The following TTC39B variants were observed in gnomAD, a reference collection of about 807,000 sequenced individuals.
TTC39B encodes the protein tetratricopeptide repeat protein 39B.
A neutral mutation model predicts 96.6 loss-of-function variants in TTC39B; 92 were observed. The ratio of observed to expected loss-of-function variants is 0.95; its 90% confidence interval spans 0.80 to 1.13. TTC39B has a LOEUF of 1.13. Ranked by LOEUF, TTC39B falls within the 50% of genes most tolerant of loss-of-function variation. The pLI is 0.00. For missense variants in TTC39B, 955 were observed against 809.3 expected, an observed-to-expected ratio of 1.18 and a Z score of -2.18; for synonymous variants, 367 against 299.4, an observed-to-expected ratio of 1.23 and a Z score of -2.33.
At chr9:15,267,826 C>T in intron 2 of TTC39B, 88 bp downstream of exon 2, 1 of 1,283,100 alleles carries the variant, frequency 7.8e-7, no homozygotes, top group Non-Finnish European at 1.1e-6. Context: ...CCGTACTCTC[C>T]AAAAAATGAG....
In TTC39B at chr9:15,167,007, TATATATATATATA is replaced by T. The variant is rs1564299789; in HGVS notation, c.*4999_*5011del. The stretch of plus-strand genomic sequence containing the variant: ...TTATATATATATATATATATATATA[TATATATATATATA>T]TATATATATTTTTTTTTTTTTTTTT... On this transcript the variant is annotated 3_prime_UTR_variant, in exon 20 of 20. Transcript: ENST00000512701. 3.1e-3 allele frequency: 23 copies of T among 7,378 alleles called. 1 individual carries two copies. Among genetic ancestry groups the T allele is most frequent in the East Asian group, 6.9e-3 (1 of 144 alleles). 0.5% of individuals were successfully genotyped at this position (7,378 alleles called of 1,614,324 possible). A position where few individuals can be genotyped will look rare whatever the true frequency, so the allele number is the denominator to read the frequency against.
At chr9:15,182,470 T>C (rs1818299879) in intron 16 of TTC39B, 55 bp from the exon 17 acceptor site, 1 of 1,195,128 alleles carries the variant, frequency 8.4e-7, no homozygotes, top group Non-Finnish European at 1.2e-6. Flanking sequence ...TCAATGTCCT[T>C]TATGATCCCC....
intron 7 of TTC39B, among the ~76,000 whole-genome samples, chr9:15,202,660 C>T (rs1397082908): frequency 1.3e-5 from 2 of 151,242 alleles, no homozygotes; most frequent in South Asian, 2.1e-4. Flanking sequence ...TGCAGTGAGC[C>T]GAGATCATGC....
At chr9:15,279,790 A>G (rs1297157394) in intron 1 of TTC39B, among the ~76,000 whole-genome samples, 2 of 152,178 alleles carry the variant, frequency 1.3e-5, no homozygotes, top group African/African-American at 2.4e-5. Flanking sequence ...GATGTCCCCA[A>G]ATAGATCAGT....
chr9:15,197,801 A>G (rs1200868649), intron 8 of TTC39B, among the ~76,000 whole-genome samples: 1 of 152,200 alleles, frequency 6.6e-6, no homozygotes, highest in Non-Finnish European at 1.5e-5. Flanking sequence ...GAAAAACTGA[A>G]CAACACAGGC....
intron 2 of TTC39B, among the ~76,000 whole-genome samples, chr9:15,247,701 T>C (rs1822341400): frequency 6.6e-6 from 1 of 152,086 alleles, no homozygotes; most frequent in Non-Finnish European, 1.5e-5. Flanking sequence ...CATAAATGTA[T>C]ATGTGCTGTT....
chr9:15,255,586 C>A (rs1822722569), intron 2 of TTC39B, among the ~76,000 whole-genome samples: 3 of 148,010 alleles, frequency 2.0e-5, no homozygotes, highest in African/African-American at 7.5e-5. Flanking sequence ...ATGAAGGCGT[C>A]AGAAAAAAAA....
At chr9:15,171,686 T>C (rs1817667658) in exon 20 of TTC39B, 1 of 157,794 alleles carries the variant, frequency 6.3e-6, no homozygotes, top group Non-Finnish European at 1.4e-5. Flanking sequence ...TGCTAAACAA[T>C]ATTAATTTTC....
At chr9:15,173,697 T>C (rs1817778200) in intron 19 of TTC39B, among the ~76,000 whole-genome samples, 1 of 152,164 alleles carries the variant, frequency 6.6e-6, no homozygotes, top group South Asian at 2.1e-4. Flanking sequence ...ACAAAATGAC[T>C]TCATCACACG....
In TTC39B at chr9:15,213,028, C is replaced by A. The variant is rs1820295785; in HGVS notation, c.482+1111G>T. On this transcript the variant is annotated intron_variant, in intron 4 of 19. Transcript: ENST00000512701. The stretch of plus-strand genomic sequence containing the variant: ...TTGAGGTGATGGATAACCCAGTTAA[C>A]CTGATCGATCACTGAACACTGTATA... 2.0e-5 allele frequency among the ~76,000 whole-genome samples: 3 copies of A among 152,130 alleles called. No individual in the cohort carries two copies. In the South Asian group the frequency reaches 6.2e-4, roughly 32 times the overall value.
intron 1 of TTC39B, among the ~76,000 whole-genome samples, chr9:15,293,999 G>A (rs1824282639): frequency 6.6e-6 from 1 of 152,214 alleles, no homozygotes; most frequent in Non-Finnish European, 1.5e-5. Context: ...CTCCGAGCCT[G>A]CTCTGGCTCC....
intron 3 of TTC39B, among the ~76,000 whole-genome samples, chr9:15,222,363 A>T (rs1438158689): frequency 1.3e-5 from 2 of 152,228 alleles, no homozygotes; most frequent in African/African-American, 4.8e-5. Flanking sequence ...ATATTCACAC[A>T]GTGTGAACCA....
At chr9:15,287,945 C>CAAAA (rs762069142) in intron 1 of TTC39B, among the ~76,000 whole-genome samples, 2 of 68,952 alleles carry the variant, frequency 2.9e-5, no homozygotes, top group Admixed American at 2.0e-4. Context: ...GACTCCATCT[C>CAAAA]AAAAAAAAAA....
At chr9:15,299,592 T>C (rs11792305) in intron 1 of TTC39B, among the ~76,000 whole-genome samples, 84,694 of 151,646 alleles carry the variant, frequency 0.56, 23,838 homozygotes, top group East Asian at 0.68. Flanking sequence ...AAGGAAAATC[T>C]CTCCCCCAGG....
chr9:15,164,436 A>G (rs1817482827), exon 20 of TTC39B: 1 of 152,222 alleles, frequency 6.6e-6, no homozygotes, highest in Non-Finnish European at 1.5e-5. Context: ...CTCCTTCTAC[A>G]TGTCAAGTTA....
intron 2 of TTC39B, among the ~76,000 whole-genome samples, chr9:15,253,604 G>T (rs1822644118): frequency 6.6e-6 from 1 of 152,206 alleles, no homozygotes; most frequent in Non-Finnish European, 1.5e-5. Context: ...AATTAATGTA[G>T]CAGCCTGACG....
chr9:15,270,938 T>C (rs1204831195), intron 1 of TTC39B, among the ~76,000 whole-genome samples: 1 of 152,198 alleles, frequency 6.6e-6, no homozygotes, highest in Non-Finnish European at 1.5e-5. Flanking sequence ...ACCTATCATG[T>C]GCCAGGCACC....
chr9:15,201,788 T>C (rs1819555940), intron 7 of TTC39B, among the ~76,000 whole-genome samples: 1 of 151,922 alleles, frequency 6.6e-6, no homozygotes, highest in South Asian at 2.1e-4. Context: ...AGAGAGGAGG[T>C]ACCAGTTTTG....
chr9:15,254,544 C>T (rs1474156120), intron 2 of TTC39B, among the ~76,000 whole-genome samples: 1 of 151,774 alleles, frequency 6.6e-6, no homozygotes, highest in African/African-American at 2.4e-5. Context: ...ATAATTTTTA[C>T]TTCTATGGGA....
Sources: allele counts gnomAD v4.1 joint callset (sites outside exome capture counted in the v4.1 genomes callset), GRCh38; gene constraint gnomAD v4.1.1; transcripts MANE v1.5; gene names NCBI Gene and HGNC (gene_info 2026-07-23, HGNC 2026-07-21).